The following FZD6 variants were observed in gnomAD, a reference collection of about 807,000 sequenced individuals.
FZD6 encodes frizzled-6.
A neutral mutation model predicts 61.4 loss-of-function variants in FZD6; 49 were observed. The ratio of observed to expected loss-of-function variants is 0.80; its 90% CI spans 0.63 to 1.01. FZD6 has a LOEUF of 1.01. Ranked by LOEUF, FZD6 falls within the 50% of genes least tolerant of loss-of-function variation. The pLI, the probability that FZD6 is intolerant of heterozygous loss-of-function variation, is 0.00. For missense variants in FZD6, 724 were observed against 848.2 expected (o/e 0.85, Z 1.82); for synonymous variants, 265 against 292.2 (o/e 0.91, Z 0.95).
intron 2 of FZD6, among the ~76,000 whole-genome samples, 199 bp downstream of exon 2, chr8:103,300,483 G>A (rs1191039096): frequency 6.6e-6 from 1 of 152,074 alleles, no homozygotes; most frequent in Non-Finnish European, 1.5e-5. Flanking sequence ...TAGTAGATTC[G>A]TTTGAATAGG....
At chr8:103,313,278 T>C (rs1814545727) in intron 2 of FZD6, among the ~76,000 whole-genome samples, 1 of 152,244 alleles carries the variant, frequency 6.6e-6, no homozygotes, top group African/African-American at 2.4e-5. Flanking sequence ...TCAGTAGCCA[T>C]AGAATTGGTA....
chr8:103,304,919 A>G (rs1302841841), intron 2 of FZD6, among the ~76,000 whole-genome samples: 3 of 152,208 alleles, frequency 2.0e-5, no homozygotes, highest in African/African-American at 7.2e-5. Flanking sequence ...TTTGTTTCAG[A>G]GATTGCTTAA....
At chr8:103,330,592 G>A (rs1815092149) in intron 6 of FZD6, among the ~76,000 whole-genome samples, 2 of 152,136 alleles carry the variant, frequency 1.3e-5, no homozygotes, top group Admixed American at 1.3e-4. Flanking sequence ...TAGGCTAAAT[G>A]CACCTTCTCT....
chr8:103,316,466 C>G (rs1419731088), intron 2 of FZD6, among the ~76,000 whole-genome samples: 5 of 152,128 alleles, frequency 3.3e-5, no homozygotes, highest in African/African-American at 9.7e-5. Flanking sequence ...ATTCCTGGGT[C>G]CCATATTATT....
chr8:103,330,016 G>A lies in FZD6; in HGVS notation c.1903G>A (p.Gly635Arg), dbSNP rs116913901. 2.0e-4 allele frequency: 330 copies of A among 1,614,136 alleles called. 1 individual carries two copies. The East Asian group carries it at 6.7e-3, about 33-fold the overall frequency. The change falls in exon 6 of 7, where the codon GGG (glycine) becomes AGG (arginine). Residue 635 changes from glycine (G) to arginine (R), a missense_variant. Physicochemically the swap from Gly to Arg is moderately radical, Grantham distance 125. Coordinates refer to ENST00000358755, the MANE Select transcript of FZD6 (RefSeq NM_003506.4). ...CAGACTCTCTGGGGAACAGGTCGACGGGAAGGGCCAGGCAGGCAGTGTATC... is the reference window on the plus strand; with the variant it reads ...CAGACTCTCTGGGGAACAGGTCGACAGGAAGGGCCAGGCAGGCAGTGTATC... The part of the protein sequence containing the change: ...ISRLSGEQVD[G>R]KGQAGSVSES...
intron 2 of FZD6, among the ~76,000 whole-genome samples, chr8:103,309,319 G>T (rs969438242): frequency 6.6e-6 from 1 of 152,212 alleles, no homozygotes; most frequent in Non-Finnish European, 1.5e-5. Context: ...TTTTGTAGAA[G>T]AAAGAACTGG....
At chr8:103,322,397 C>G (rs1042459682) in intron 3 of FZD6, among the ~76,000 whole-genome samples, 1 of 149,088 alleles carries the variant, frequency 6.7e-6, no homozygotes. Context: ...AAAAGAATCT[C>G]AGGCATATAC....
chr8:103,323,203 G>A (rs1377698454), intron 3 of FZD6, among the ~76,000 whole-genome samples: 2 of 152,050 alleles, frequency 1.3e-5, no homozygotes, highest in South Asian at 2.1e-4. Flanking sequence ...CCGAATTTGT[G>A]GTAATGAATA....
At chr8:103,319,504 G>A (rs1814722260) in intron 3 of FZD6, among the ~76,000 whole-genome samples, 2 of 151,972 alleles carry the variant, frequency 1.3e-5, no homozygotes, top group South Asian at 2.1e-4. Flanking sequence ...AGTCTCCTGA[G>A]GGTTGGGCAG....
chr8:103,322,372 TAAAAAAAAA>T (rs11423905), intron 3 of FZD6, among the ~76,000 whole-genome samples: 2 of 124,618 alleles, frequency 1.6e-5, no homozygotes, highest in African/African-American at 6.0e-5. Context: ...CAGTCTCCAT[TAAAAAAAAA>T]AAAAAAAAAG....
At chr8:103,307,961 A>G in intron 2 of FZD6, 1 of 455,980 alleles carries the variant, frequency 2.2e-6, no homozygotes, top group Non-Finnish European at 4.4e-6. Context: ...GATACTTCTT[A>G]ACCTGACACT....
intron 2 of FZD6, chr8:103,307,670 T>A (rs1814377633): frequency 2.3e-6 from 1 of 434,580 alleles, no homozygotes; most frequent in South Asian, 1.7e-5. Context: ...TAGCTCTTAA[T>A]TCTTTTAACT....
intron 4 of FZD6, 67 bp from the exon 5 acceptor site, chr8:103,328,201 G>T: frequency 8.4e-7 from 1 of 1,195,592 alleles, no homozygotes; most frequent in South Asian, 1.2e-5. Flanking sequence ...GTTTTATATT[G>T]ACAATATAGA....
chr8:103,304,522 TTGCAAATTTTTAC>T (rs1814274862), intron 2 of FZD6, among the ~76,000 whole-genome samples: 1 of 152,214 alleles, frequency 6.6e-6, no homozygotes, highest in Non-Finnish European at 1.5e-5. Context: ...GAAGTTTGGA[TTGCAAATTTTTAC>T]TGTAAAAGAC....
At chr8:103,331,306 G>T (rs1307048038) in intron 6 of FZD6, 35 bp from the exon 7 acceptor site, 8 of 1,465,198 alleles carry the variant, frequency 5.5e-6, no homozygotes, top group Non-Finnish European at 7.7e-6. Context: ...TGTGTTTGTG[G>T]ATGTGTGTGT....
chr8:103,318,819 G>C (rs1329717849), intron 3 of FZD6, 33 bp downstream of exon 3: 1 of 1,198,510 alleles, frequency 8.3e-7, no homozygotes, highest in South Asian at 1.2e-5. Flanking sequence ...AGCTACTAAT[G>C]GTATTTTACT....
intron 2 of FZD6, among the ~76,000 whole-genome samples, chr8:103,304,702 C>T (rs1814280558): frequency 6.6e-6 from 1 of 152,104 alleles, no homozygotes; most frequent in African/African-American, 2.4e-5. Context: ...CTATATTTGG[C>T]CCAGGGGCTA....
chr8:103,301,235 G>A (rs1814162217), intron 2 of FZD6, among the ~76,000 whole-genome samples: 1 of 152,098 alleles, frequency 6.6e-6, no homozygotes, highest in Admixed American at 6.6e-5. Context: ...CTCATGTCTG[G>A]AATAGGAAAG....
At chr8:103,317,825 C>CAA (rs60176627) in intron 2 of FZD6, among the ~76,000 whole-genome samples, 1 of 133,596 alleles carries the variant, frequency 7.5e-6, no homozygotes, top group Non-Finnish European at 1.6e-5. Context: ...GACTCTGTCT[C>CAA]AAAAAAAAAA....
Sources: gnomAD v4.1 joint callset for allele counts (sites outside exome capture counted in the v4.1 genomes callset) on GRCh38, gnomAD v4.1.1 for gene constraint, MANE v1.5 for transcripts, NCBI Gene and HGNC (gene_info 2026-07-23, HGNC 2026-07-21) for gene names.